SPECC1: variants seen among roughly 807,000 people sequenced by gnomAD.
SPECC1 encodes the protein cytospin-B.
Under a neutral mutation model 104.1 loss-of-function variants are expected in SPECC1, and 62 were observed. That is an observed-to-expected ratio of 0.60 (90% confidence interval 0.49 to 0.74). The LOEUF is 0.74. Ranked by LOEUF, SPECC1 falls within the 30% of genes least tolerant of loss-of-function variation. The pLI, the probability that SPECC1 is intolerant of heterozygous loss-of-function variation, is 0.00. For missense variants in SPECC1, 1,306 were observed against 1,310.5 expected, an observed-to-expected ratio of 1.00 and a Z score of 0.05; for synonymous variants, 513 against 501.6, an observed-to-expected ratio of 1.02 and a Z score of -0.30.
chr17:20,164,537 G>A (rs2033475171), intron 3 of SPECC1, among the ~76,000 whole-genome samples: 1 of 152,070 alleles, frequency 6.6e-6, no homozygotes. Context: ...GGACAAGGTT[G>A]GGATTCTTAC....
At chr17:20,129,827 CA>C (rs1345338888) in intron 3 of SPECC1, among the ~76,000 whole-genome samples, 1 of 152,144 alleles carries the variant, frequency 6.6e-6, no homozygotes, top group African/African-American at 2.4e-5. Flanking sequence ...AATCTTGGCT[CA>C]CTGCAACCTC....
At chr17:20,176,003 C>T (rs2034448864) in intron 3 of SPECC1, among the ~76,000 whole-genome samples, 1 of 152,190 alleles carries the variant, frequency 6.6e-6, no homozygotes, top group African/African-American at 2.4e-5. Context: ...TATTCAGCCC[C>T]CTTGGCTTAT....
rs57417459 is a variant in SPECC1, at chr17:20,191,487, C to CT, written c.284-12827dup. Among the ~76,000 whole-genome samples the CT allele has an allele frequency of 3.1e-3, 393 of 128,390 alleles. 2 individuals are homozygous for CT. The highest frequency in any genetic ancestry group is 8.1e-3 in the Middle Eastern group (2 of 248). The allele number at this position is 128,390 out of a possible 152,430, so 84.2% of individuals were successfully genotyped here. On this transcript the variant is annotated intron_variant, in intron 3 of 14. Transcript: ENST00000395527. The stretch of plus-strand genomic sequence containing the variant: ...CCTACGGATGTATGATGTGGAGCAG[C>CT]TTTTTTTTTTTTTTTTTTTAATTAT...
At chr17:20,101,993 T>C (rs1274837015) in intron 2 of SPECC1, among the ~76,000 whole-genome samples, 2 of 152,268 alleles carry the variant, frequency 1.3e-5, no homozygotes, top group African/African-American at 4.8e-5. Context: ...TATACTTTCT[T>C]ATACAGGTGG....
intron 12 of SPECC1, among the ~76,000 whole-genome samples, chr17:20,268,976 C>A (rs1336818889): frequency 6.6e-6 from 1 of 152,134 alleles, no homozygotes; most frequent in Non-Finnish European, 1.5e-5. Context: ...TCAGACTGTT[C>A]GCACAGCAGA....
chr17:20,262,707 GA>G (rs2040072313), intron 12 of SPECC1, among the ~76,000 whole-genome samples: 1 of 152,116 alleles, frequency 6.6e-6, no homozygotes, highest in Non-Finnish European at 1.5e-5. Flanking sequence ...GATGGAAAAT[GA>G]AAGAAGCTAG....
rs138195523 is a variant in SPECC1, at chr17:20,014,837, C to A, written c.-22+5413C>A. 9.7e-3 allele frequency among the ~76,000 whole-genome samples: 1,469 copies of A among 152,186 alleles called. 21 individuals carry two copies. The highest frequency in any genetic ancestry group is 0.034 in the African/African-American group (1,396 of 41,504). ...TGGCATGATCTCGGCTCACTACAAC[C>A]TCCACCTCCTGGTTTCAAGTGATTC... On this transcript the variant is annotated intron_variant, in intron 1 of 14. Transcript: ENST00000395527.
At chr17:20,125,210 A>AACAG (rs74422909) in intron 3 of SPECC1, among the ~76,000 whole-genome samples, 9 of 150,632 alleles carry the variant, frequency 6.0e-5, no homozygotes, top group Non-Finnish European at 1.0e-4. Context: ...AAACAAAACA[A>AACAG]AAAAATTGCA....
chr17:20,197,506 GTC>G (rs34924528), intron 3 of SPECC1, among the ~76,000 whole-genome samples: 64,352 of 151,888 alleles, frequency 0.42, 14,223 homozygotes, highest in East Asian at 0.8. Flanking sequence ...GCACGGGACA[GTC>G]TCTGTTTCCT....
At chr17:20,029,890 T>A (rs1438020010) in intron 1 of SPECC1, among the ~76,000 whole-genome samples, 1 of 152,190 alleles carries the variant, frequency 6.6e-6, no homozygotes, top group Non-Finnish European at 1.5e-5. Context: ...TTTCTCCTTT[T>A]GATTTCATTA....
chr17:20,075,654 A>AT (rs997539333), intron 1 of SPECC1, among the ~76,000 whole-genome samples: 1 of 152,102 alleles, frequency 6.6e-6, no homozygotes, highest in African/African-American at 2.4e-5. Flanking sequence ...TTGTAAAAAA[A>AT]TTTAGCCAGG....
intron 1 of SPECC1, among the ~76,000 whole-genome samples, chr17:20,069,214 G>T (rs995454171): frequency 1.3e-5 from 2 of 152,346 alleles, no homozygotes; most frequent in South Asian, 2.1e-4. Context: ...TCGGTTTTCT[G>T]TTCCTGCATT....
intron 4 of SPECC1, among the ~76,000 whole-genome samples, chr17:20,208,256 A>G (rs1255275147): frequency 6.6e-6 from 1 of 152,208 alleles, no homozygotes; most frequent in Non-Finnish European, 1.5e-5. Context: ...TTTGAGGTAA[A>G]GATGGGGGCA....
At chr17:20,083,886 C>T (rs1242294138) in intron 1 of SPECC1, among the ~76,000 whole-genome samples, 1 of 152,190 alleles carries the variant, frequency 6.6e-6, no homozygotes, top group African/African-American at 2.4e-5. Context: ...CTTGCCAGCA[C>T]TTGATACTGT....
At chr17:20,245,387 G>C (rs1033979126) in intron 7 of SPECC1, among the ~76,000 whole-genome samples, 4 of 152,068 alleles carry the variant, frequency 2.6e-5, no homozygotes, top group African/African-American at 9.7e-5. Context: ...AATGCCCGGT[G>C]CCCTGCCTCT....
chr17:20,053,826 A>T (rs935570461), intron 1 of SPECC1, among the ~76,000 whole-genome samples: 20 of 152,354 alleles, frequency 1.3e-4, no homozygotes, highest in African/African-American at 4.6e-4. Flanking sequence ...AGCTAAGCCT[A>T]TCTTAGATTC....
chr17:20,062,030 C>A (rs778505302), intron 1 of SPECC1, among the ~76,000 whole-genome samples: 2 of 151,822 alleles, frequency 1.3e-5, no homozygotes, highest in Non-Finnish European at 2.9e-5. Flanking sequence ...GAGGCCGAGG[C>A]GGGTGGATTA....
At chr17:20,268,211 C>T (rs2158472) in intron 12 of SPECC1, among the ~76,000 whole-genome samples, 64,486 of 151,924 alleles carry the variant, frequency 0.42, 14,302 homozygotes, top group East Asian at 0.8. Context: ...TAGCAGGCGA[C>T]ACCTACACTA....
At chr17:20,099,667 CCTG>C (rs1250480090) in intron 2 of SPECC1, among the ~76,000 whole-genome samples, 1 of 133,724 alleles carries the variant, frequency 7.5e-6, no homozygotes, top group Non-Finnish European at 1.5e-5. Flanking sequence ...TGCACTCCAG[CCTG>C]GGTGACAGAG....
Sources: allele counts gnomAD v4.1 joint callset (sites outside exome capture counted in the v4.1 genomes callset), GRCh38; gene constraint gnomAD v4.1.1; transcripts MANE v1.5; gene names NCBI Gene and HGNC (gene_info 2026-07-23, HGNC 2026-07-21).